LARGE1: variants seen among roughly 807,000 people sequenced by gnomAD.
LARGE1 encodes LARGE xylosyl- and glucuronyltransferase 1.
A neutral mutation model predicts 87.6 loss-of-function variants in LARGE1; 43 were observed. That is an observed-to-expected ratio of 0.49 (90% CI 0.38 to 0.63). LARGE1 has a LOEUF of 0.63. Among genes scored for constraint, LARGE1 ranks in the 30% least tolerant of loss-of-function variants. The pLI is 0.00. For missense variants in LARGE1, 802 were observed against 1,000.2 expected, an observed-to-expected ratio of 0.80 and a Z score of 2.67; for synonymous variants, 434 against 394.6, an observed-to-expected ratio of 1.10 and a Z score of -1.18.
intron 1 of LARGE1, among the ~76,000 whole-genome samples, chr22:33,818,479 A>G (rs1458132190): frequency 1.3e-5 from 2 of 152,202 alleles, no homozygotes; most frequent in Non-Finnish European, 2.9e-5. Flanking sequence ...AAGTTCATTC[A>G]GCAGCTGCAC....
rs565149528 is a variant in LARGE1 at position 33,859,331 on chromosome 22, C to T, written c.-83+60664G>A. 4.6e-5 allele frequency among the ~76,000 whole-genome samples: 7 copies of T among 152,228 alleles called. No individual in the cohort carries two copies. The South Asian group carries it at 1.0e-3, about 23-fold the overall frequency. On this transcript the variant is annotated intron_variant, in intron 1 of 14. Transcript: ENST00000397394. Reference sequence around the variant, plus strand: ...GTCATTTTTAAAATATGGAAACAAACGCACGAGCTTTGGGAAAAGGTAGAA... The same window carrying T: ...GTCATTTTTAAAATATGGAAACAAATGCACGAGCTTTGGGAAAAGGTAGAA...
At chr22:33,865,031 C>G (rs2064044912) in intron 1 of LARGE1, among the ~76,000 whole-genome samples, 1 of 152,204 alleles carries the variant, frequency 6.6e-6, no homozygotes. Flanking sequence ...TCAGGCCCAG[C>G]CCAGCAGACA....
chr22:33,403,817 T>C (rs2066003980), intron 7 of LARGE1, among the ~76,000 whole-genome samples: 1 of 152,158 alleles, frequency 6.6e-6, no homozygotes, highest in Admixed American at 6.5e-5. Flanking sequence ...TTGGCCAGGC[T>C]TGTCTCGAAC....
At chr22:33,079,388 C>G in the LARGE1 span, among the ~76,000 whole-genome samples, 2 of 151,668 alleles carry the variant, frequency 1.3e-5, no homozygotes, top group Admixed American at 1.3e-4. Flanking sequence ...CCACCACGCC[C>G]GGATAATTTT....
chr22:33,238,446 T>C (rs1169155418), intron 11 of LARGE1, among the ~76,000 whole-genome samples: 1 of 152,178 alleles, frequency 6.6e-6, no homozygotes, highest in Non-Finnish European at 1.5e-5. Context: ...AACTGATATA[T>C]TTAGTATACC....
At chr22:33,205,639 C>A (rs1924635983) in intron 11 of LARGE1, among the ~76,000 whole-genome samples, 1 of 152,152 alleles carries the variant, frequency 6.6e-6, no homozygotes, top group Non-Finnish European at 1.5e-5. Flanking sequence ...AACAGAAAGA[C>A]CAAAGAAACA....
intron 1 of LARGE1, among the ~76,000 whole-genome samples, chr22:33,856,392 G>A (rs1016911767): frequency 6.6e-6 from 1 of 152,148 alleles, no homozygotes; most frequent in African/African-American, 2.4e-5. Flanking sequence ...CATACGAAGA[G>A]GCTGAAATGA....
chr22:33,350,179 T>C (rs771993957), intron 9 of LARGE1, among the ~76,000 whole-genome samples: 4 of 152,230 alleles, frequency 2.6e-5, no homozygotes. Context: ...ATGTTCATCA[T>C]GTTCAATGTG....
chr22:33,186,317 A>C (rs1923473482), intron 11 of LARGE1, among the ~76,000 whole-genome samples: 1 of 152,202 alleles, frequency 6.6e-6, no homozygotes. Flanking sequence ...AAGGTGATAA[A>C]TCATAACAAG....
chr22:33,294,912 C>T (rs11914121), intron 12 of LARGE1, among the ~76,000 whole-genome samples: 2,229 of 152,292 alleles, frequency 0.015, 57 homozygotes, highest in African/African-American at 0.05. Context: ...TGAGTTGACA[C>T]GATAGCTCTG....
chr22:33,095,641 T>C, the LARGE1 span, among the ~76,000 whole-genome samples: 1 of 152,210 alleles, frequency 6.6e-6, no homozygotes, highest in Non-Finnish European at 1.5e-5. Flanking sequence ...ATAAAAATGC[T>C]CATTAAATGA....
At position 33,730,009 on chromosome 22, in the gene LARGE1, CGTGT is replaced by C. The variant is rs1166074519; in HGVS notation, c.106+31358_106+31361del. 9.2e-5 allele frequency among the ~76,000 whole-genome samples: 14 copies of C among 151,966 alleles called. No individual in the cohort carries two copies. The East Asian group carries it at 2.1e-3, about 23-fold the overall frequency. ...GCGTGTGTGTGTGCGTGCATGCGTG[CGTGT>C]GTGTGTTGAGGGAGACAGAGACCAA... is the stretch of plus-strand genomic sequence containing the variant. On this transcript the variant is annotated intron_variant, in intron 2 of 14. Coordinates refer to ENST00000397394, the MANE Select transcript of LARGE1 (RefSeq NM_133642.5).
At chr22:33,329,438 G>C (rs190175326) in intron 10 of LARGE1, among the ~76,000 whole-genome samples, 1 of 148,878 alleles carries the variant, frequency 6.7e-6, no homozygotes, top group South Asian at 2.1e-4. Context: ...TTTTTTTTGT[G>C]GGGGGAAGGG....
At position 33,918,320 on chromosome 22, in the gene LARGE1, T is replaced by A. The variant is rs554284248; in HGVS notation, c.-83+1675A>T. Among the ~76,000 whole-genome samples, 22 of 152,268 alleles carry A rather than the reference T, an allele frequency of 1.4e-4. No individual in the cohort carries two copies. The East Asian group carries it at 4.2e-3, about 29-fold the overall frequency. On this transcript the variant is annotated intron_variant, in intron 1 of 14. Transcript: ENST00000397394. ...TACTGCTCACTCCAGAGCAATCCGA[T>A]CTTCCCGTTAAAAACCTCTCTCTCC...
At chr22:33,846,854 C>T (rs966806130) in intron 1 of LARGE1, among the ~76,000 whole-genome samples, 2 of 152,144 alleles carry the variant, frequency 1.3e-5, no homozygotes, top group Non-Finnish European at 2.9e-5. Context: ...ACCCTGTCTC[C>T]TGATAAGATG....
Position 33,734,277 on chromosome 22 carries a change from A to G in LARGE1, c.106+27094T>C, listed in dbSNP as rs138635969. ...CAGGCACCAGGGGGTTAGGACTTCA[A>G]CATCTTTTGTGGGAGACACAATTCT... On this transcript the variant is annotated intron_variant, in intron 2 of 14. Transcript: ENST00000397394. Among the ~76,000 whole-genome samples the G allele has an allele frequency of 2.1e-3, 324 of 152,346 alleles. 1 individual carries two copies. Among genetic ancestry groups the G allele is most frequent in the Non-Finnish European group, 3.5e-3 (240 of 68,032 alleles).
At position 33,240,045 on chromosome 22, in the gene LARGE1, G is replaced by C. The variant is rs1056545893; in HGVS notation, c.1730+64184C>G. On this transcript the variant is annotated intron_variant, in intron 11 of 11. Transcript: ENST00000608642. ...TGAAAAGCCTAGTCATCGTGGAGAA[G>C]TGCATTCAACTTTGTAAGAAACTGC... Among the ~76,000 whole-genome samples, 103 of 152,314 alleles carry C rather than the reference G, an allele frequency of 6.8e-4. 1 individual carries two copies. The highest frequency in any genetic ancestry group is 2.7e-3 in the Admixed American group (42 of 15,310).
chr22:33,692,794 C>G (rs1207658266), intron 2 of LARGE1, among the ~76,000 whole-genome samples: 2 of 152,118 alleles, frequency 1.3e-5, no homozygotes, highest in African/African-American at 4.8e-5. Flanking sequence ...TCTGTATGTA[C>G]ACATCACTCC....
intron 11 of LARGE1, among the ~76,000 whole-genome samples, chr22:33,214,364 AATCTT>A (rs1377885294): frequency 1.3e-5 from 2 of 152,158 alleles, no homozygotes; most frequent in Non-Finnish European, 2.9e-5. Context: ...CTAAAGAACT[AATCTT>A]AACTTAATTG....
Sources: gnomAD v4.1 joint callset for allele counts (sites outside exome capture counted in the v4.1 genomes callset) on GRCh38, gnomAD v4.1.1 for gene constraint, MANE v1.5 for transcripts, NCBI Gene and HGNC (gene_info 2026-07-23, HGNC 2026-07-21) for gene names.